GM2A: variants seen among roughly 807,000 people sequenced by gnomAD.
GM2A encodes GM2 ganglioside activator.
In GM2A, 7 loss-of-function variants were observed where a neutral mutation model predicts 12.9. The ratio of observed to expected loss-of-function variants is 0.54; its 90% confidence interval spans 0.31 to 1.02. The LOEUF is 1.02. Among genes scored for constraint, GM2A ranks in the 50% least tolerant of loss-of-function variants. GM2A has a pLI of 0.05. For synonymous variants in GM2A, 101 were observed against 96.0 expected, an observed-to-expected ratio of 1.05 and a Z score of -0.30; for missense variants, 246 against 241.0, an observed-to-expected ratio of 1.02 and a Z score of -0.14.
chr5:151,265,229 T>C (rs1360784769), intron 2 of GM2A, among the ~76,000 whole-genome samples: 2 of 152,098 alleles, frequency 1.3e-5, no homozygotes, highest in Admixed American at 6.5e-5. Flanking sequence ...CAATTAGAAT[T>C]TGTCCACTCA....
intron 2 of GM2A, among the ~76,000 whole-genome samples, chr5:151,263,089 C>CT (rs869289721): frequency 0.017 from 2,000 of 119,514 alleles, 19 homozygotes; most frequent in African/African-American, 0.029. Context: ...TCCCCAATTT[C>CT]TTTTTTTTTT....
chr5:151,259,734 T>G, intron 1 of GM2A, 21 bp from the exon 2 acceptor site: 1 of 1,611,598 alleles, frequency 6.2e-7, no homozygotes, highest in Non-Finnish European at 8.5e-7. Context: ...TTCTCCTTCC[T>G]TGCTGCCTGA....
intron 1 of GM2A, among the ~76,000 whole-genome samples, chr5:151,258,186 G>A (rs548719104): frequency 6.6e-6 from 1 of 152,378 alleles, no homozygotes; most frequent in Admixed American, 6.5e-5. Flanking sequence ...TAAAGGGGAA[G>A]TTTATTACAG....
intron 1 of GM2A, 53 bp from the exon 2 acceptor site, chr5:151,259,702 T>G (rs574730395): frequency 1.3e-6 from 2 of 1,564,978 alleles, no homozygotes; most frequent in South Asian, 2.2e-5. Flanking sequence ...TGTGATAGTT[T>G]CTTTTGTCAA....
chr5:151,266,627 T>G (rs967154726), intron 2 of GM2A, 104 bp from the exon 3 acceptor site: 2 of 849,252 alleles, frequency 2.4e-6, no homozygotes, highest in African/African-American at 3.4e-5. Flanking sequence ...ATTCTATGAT[T>G]AAAATATATT....
intron 1 of GM2A, among the ~76,000 whole-genome samples, chr5:151,258,812 TG>T (rs1256943603): frequency 6.6e-6 from 1 of 152,122 alleles, no homozygotes; most frequent in Non-Finnish European, 1.5e-5. Flanking sequence ...CTTGGGGGTG[TG>T]GGACTGGCAG....
At chr5:151,266,429 G>A in intron 2 of GM2A, among the ~76,000 whole-genome samples, 1 of 142,354 alleles carries the variant, frequency 7.0e-6, no homozygotes, top group South Asian at 2.3e-4. Context: ...GCTGCAGTGA[G>A]TGCAGTGAGC....
At chr5:151,259,660 C>G in intron 1 of GM2A, 95 bp from the exon 2 acceptor site, 1 of 1,188,420 alleles carries the variant, frequency 8.4e-7, no homozygotes, top group Non-Finnish European at 1.2e-6. Flanking sequence ...CACCCAAGGT[C>G]ACTCTGCCAG....
At chr5:151,261,307 G>A (rs959913157) in intron 2 of GM2A, among the ~76,000 whole-genome samples, 2 of 152,182 alleles carry the variant, frequency 1.3e-5, no homozygotes, top group Non-Finnish European at 2.9e-5. Flanking sequence ...TTATAGGCGT[G>A]AGCCACCTTG....
In GM2A at chr5:151,267,866, T is replaced by C; in HGVS notation, c.*415T>C. ...AAGCGAAGTGAGAGTATTAACGTTT[T>C]TGTTCTCCTCCGGCCCCCTGTTACA... On this transcript the variant is annotated 3_prime_UTR_variant, in exon 4 of 4. Coordinates refer to ENST00000357164, the MANE Select transcript of GM2A (RefSeq NM_000405.5). The C allele has an allele frequency of 1.7e-6, 2 of 1,161,398 alleles. No individual in the cohort carries two copies. Among genetic ancestry groups the C allele is most frequent in the Non-Finnish European group, 2.2e-6 (2 of 929,210 alleles). 71.9% of individuals were successfully genotyped at this position (1,161,398 alleles called of 1,614,324 possible). A position where few individuals can be genotyped will look rare whatever the true frequency, so the allele number is the denominator to read the frequency against.
chr5:151,266,624 G>T (rs567739415), intron 2 of GM2A, 107 bp from the exon 3 acceptor site: 3 of 834,886 alleles, frequency 3.6e-6, no homozygotes, highest in Middle Eastern at 3.3e-4. Flanking sequence ...AAAATTCTAT[G>T]ATTAAAATAT....
At chr5:151,261,492 G>A (rs1753797770) in intron 2 of GM2A, among the ~76,000 whole-genome samples, 1 of 152,214 alleles carries the variant, frequency 6.6e-6, no homozygotes, top group African/African-American at 2.4e-5. Context: ...AGGCTGGAGT[G>A]CAGTAGCGCA....
rs153476 is a variant in GM2A at position 151,259,663 on chromosome 5, T to A, written c.82-92T>A. On this transcript the variant is annotated intron_variant, in intron 1 of 3. Coordinates refer to ENST00000357164, the MANE Select transcript of GM2A (RefSeq NM_000405.5). ...ACGGGGGTGCCTCACCCAAGGTCAC[T>A]CTGCCAGGAGCTCATTTTTCCTGTG... The A allele has an allele frequency of 0.68, 846,195 of 1,239,940 alleles. 294,119 individuals are homozygous for A. The highest frequency in any genetic ancestry group is 0.91 in the East Asian group (37,783 of 41,522). 76.8% of individuals were successfully genotyped at this position (1,239,940 alleles called of 1,614,324 possible). A position where few individuals can be genotyped will look rare whatever the true frequency, so the allele number is the denominator to read the frequency against.
intron 1 of GM2A, 47 bp from the exon 2 acceptor site, chr5:151,259,708 G>T (rs1396071858): frequency 1.3e-6 from 2 of 1,588,376 alleles, no homozygotes; most frequent in Non-Finnish European, 1.7e-6. Flanking sequence ...AGTTTCTTTT[G>T]TCAACCTTTT....
chr5:151,259,325 A>G (rs981825604), intron 1 of GM2A, among the ~76,000 whole-genome samples: 1 of 152,096 alleles, frequency 6.6e-6, no homozygotes, highest in African/African-American at 2.4e-5. Context: ...GGGGTGTGAC[A>G]TGAACAAGGT....
At chr5:151,265,668 A>T (rs1378543820) in intron 2 of GM2A, among the ~76,000 whole-genome samples, 1 of 152,212 alleles carries the variant, frequency 6.6e-6, no homozygotes, top group Non-Finnish European at 1.5e-5. Flanking sequence ...TGCCCGGCAC[A>T]ACTGGGATGT....
In GM2A at chr5:151,267,382, G is replaced by C. The variant is rs751058268; in HGVS notation, c.513G>C (p.Glu171Asp). Residue 171 changes from glutamate (E) to aspartate (D), a missense_variant, in exon 4 of 4, where the codon GAG (glutamate) becomes GAC (aspartate). Glu to Asp is a conservative substitution (Grantham distance 45, BLOSUM62 2). Transcript: ENST00000357164. Reference protein sequence around the residue: ...SWLTTGNYRIESVLSSSGKRL... With the variant: ...SWLTTGNYRIDSVLSSSGKRL... ...TCACCACCGGGAACTACCGCATAGA[G>C]AGCGTCCTGAGCAGCAGTGGGAAGC... The C allele has an allele frequency of 6.2e-7, 1 of 1,614,210 alleles. No homozygotes were observed. The highest frequency in any genetic ancestry group is 1.1e-5 in the South Asian group (1 of 91,074).
At chr5:151,261,659 GA>G (rs2127236958) in intron 2 of GM2A, among the ~76,000 whole-genome samples, 1 of 152,074 alleles carries the variant, frequency 6.6e-6, no homozygotes, top group South Asian at 2.1e-4. Flanking sequence ...GGCTGGTCTT[GA>G]ACTCCTGACC....
At chr5:151,259,243 G>A (rs1753748127) in intron 1 of GM2A, among the ~76,000 whole-genome samples, 1 of 152,170 alleles carries the variant, frequency 6.6e-6, no homozygotes, top group Non-Finnish European at 1.5e-5. Flanking sequence ...CCTTGAGAGT[G>A]GGATTTCAGA....
Sources: allele counts gnomAD v4.1 joint callset (sites outside exome capture counted in the v4.1 genomes callset), GRCh38; gene constraint gnomAD v4.1.1; transcripts MANE v1.5; gene names NCBI Gene and HGNC (gene_info 2026-07-23, HGNC 2026-07-21).